EPRS1: variants seen among roughly 807,000 people sequenced by gnomAD.
The protein encoded by EPRS1 is bifunctional glutamate/proline--tRNA ligase.
Under a neutral mutation model 188.3 loss-of-function variants are expected in EPRS1, and 107 were observed. That is an observed-to-expected ratio of 0.57 (90% CI 0.49 to 0.67). EPRS1 has a LOEUF of 0.67. EPRS1 is among the 30% of genes least tolerant of loss of function. EPRS1 has a pLI of 0.00. For synonymous variants in EPRS1, 596 were observed against 593.1 expected (o/e 1.00, Z -0.07); for missense variants, 1,577 against 1,802.2 (o/e 0.88, Z 2.26).
At chr1:220,020,836 A>T (rs1333494898) in intron 9 of EPRS1, among the ~76,000 whole-genome samples, 9 of 6,042 alleles carry the variant, frequency 1.5e-3, no homozygotes, top group Non-Finnish European at 3.6e-3. Context: ...ATATATATAT[A>T]TATATATATA....
In EPRS1 at chr1:220,015,110, G is replaced by A. The variant is rs189789657; in HGVS notation, c.1494+3339C>T. 4.3e-3 allele frequency among the ~76,000 whole-genome samples: 654 copies of A among 152,266 alleles called. 3 individuals are homozygous for A. The highest frequency in any genetic ancestry group is 0.014 in the Middle Eastern group (4 of 294). ...ACACGAAACAAGAGTACCAGTCCAA[G>A]AGGCCCAACATCTTCCCAAGAAGAG... On this transcript the variant is annotated intron_variant, in intron 12 of 31. Coordinates refer to ENST00000366923, the MANE Select transcript of EPRS1 (RefSeq NM_004446.3).
At chr1:219,981,495 C>A (rs753241098) in intron 23 of EPRS1, 38 bp from the exon 24 acceptor site, 1 of 1,350,554 alleles carries the variant, frequency 7.4e-7, no homozygotes, top group Non-Finnish European at 1.0e-6. Context: ...TCATTTAAGG[C>A]TTTATTTCTC....
rs1268887129 is a variant in EPRS1, at chr1:220,033,497, G to C, written c.388+5C>G. 6.3e-7 allele frequency: 1 copy of C among 1,578,436 alleles called. No homozygotes were observed. Among genetic ancestry groups the C allele is most frequent in the East Asian group, 2.2e-5 (1 of 44,664 alleles). On this transcript the variant is annotated splice_donor_5th_base_variant and intron_variant, in intron 4 of 31. Transcript: ENST00000366923. ...AAACAGAGGATTATTAAGAATTATT[G>C]ATACCTTTTAGGGTGGCCCAAACAC...
intron 29 of EPRS1, 147 bp from the exon 30 acceptor site, chr1:219,972,294 CA>C (rs1660683070): frequency 3.8e-6 from 2 of 523,246 alleles, no homozygotes; most frequent in Admixed American, 3.7e-5. Flanking sequence ...TCATAGTGAC[CA>C]TCAGTATATC....
intron 28 of EPRS1, among the ~76,000 whole-genome samples, chr1:219,978,336 C>T (rs1246874005): frequency 6.6e-6 from 1 of 152,092 alleles, no homozygotes. Context: ...TAAAAATAAG[C>T]TTCCACAAAA....
At chr1:220,046,259 A>C in intron 1 of EPRS1, 84 bp downstream of exon 1, 2 of 1,555,642 alleles carry the variant, frequency 1.3e-6, no homozygotes, top group South Asian at 1.1e-5. Context: ...ACCACTGCGC[A>C]AAGCCGGGGC....
chr1:220,027,821 A>G (rs1662011978), intron 6 of EPRS1, among the ~76,000 whole-genome samples: 1 of 151,820 alleles, frequency 6.6e-6, no homozygotes, highest in African/African-American at 2.4e-5. Context: ...TGTCTCTACT[A>G]AAAATACAAA....
intron 3 of EPRS1, among the ~76,000 whole-genome samples, chr1:220,034,309 A>G (rs2102597459): frequency 6.6e-6 from 1 of 152,296 alleles, no homozygotes; most frequent in Non-Finnish European, 1.5e-5. Context: ...TGTAGTCTAG[A>G]AGGAATAGGC....
rs5030754 is a variant in EPRS1 at position 219,983,387 on chromosome 1, C to T, written c.3102G>A (p.Lys1034=). Residue 1034 remains lysine, a synonymous_variant, in exon 22 of 32, where the codon AAG becomes AAA. Coordinates refer to ENST00000366923, the MANE Select transcript of EPRS1 (RefSeq NM_004446.3). The part of the protein sequence containing the change: ...LADWYSQVIT[K]SEMIEYHDIS... ...TGTCATGGTATTCAATCATTTCTGA[C>T]TTTGTGATGACCTTTTTAAAAGAAA... is the stretch of plus-strand genomic sequence containing the variant. 144,522 of 1,605,802 alleles carry T rather than the reference C, an allele frequency of 0.09. 7,694 individuals are homozygous for T. Among genetic ancestry groups the T allele is most frequent in the African/African-American group, 0.22 (16,595 of 74,672 alleles).
chr1:220,039,825 A>G (rs975498108), intron 2 of EPRS1, among the ~76,000 whole-genome samples: 2 of 152,164 alleles, frequency 1.3e-5, no homozygotes, highest in African/African-American at 4.8e-5. Flanking sequence ...GCGATGCCGA[A>G]TATTTCTTTA....
chr1:219,983,296 C>T lies in EPRS1; in HGVS notation c.3193G>A (p.Asp1065Asn), dbSNP rs1486939607. Residue 1065 changes from aspartate to asparagine, a missense_variant, in exon 22 of 32, where the codon GAT (aspartate) becomes AAT (asparagine). By Grantham distance (23) the Asp-to-Asn change is conservative. Transcript: ENST00000366923. ...AIWEAIKDFF[D>N]AEIKKLGVEN... Reference sequence around the variant, plus strand: ...ACACCAAGTTTCTTGATCTCAGCATCAAAAAAGTCCTTGATGGCTTCCCAA... The same window carrying T: ...ACACCAAGTTTCTTGATCTCAGCATTAAAAAAGTCCTTGATGGCTTCCCAA... The T allele has an allele frequency of 6.2e-7, 1 of 1,614,026 alleles. No individual in the cohort carries two copies. Among genetic ancestry groups the T allele is most frequent in the African/African-American group, 1.3e-5 (1 of 75,044 alleles).
At chr1:220,046,318 C>A (rs748808209) in intron 1 of EPRS1, 25 bp downstream of exon 1, 2 of 1,613,884 alleles carry the variant, frequency 1.2e-6, no homozygotes, top group Admixed American at 3.3e-5. Flanking sequence ...GCAACCCACA[C>A]AGGTCATTGG....
chr1:220,023,609 T>A (rs1291710949), intron 8 of EPRS1, among the ~76,000 whole-genome samples: 4 of 152,218 alleles, frequency 2.6e-5, no homozygotes, highest in African/African-American at 9.6e-5. Context: ...AAAGGAAGAC[T>A]TGGGTGACAA....
At chr1:219,989,728 G>C (rs926509906) in intron 18 of EPRS1, among the ~76,000 whole-genome samples, 11 of 152,136 alleles carry the variant, frequency 7.2e-5, no homozygotes, top group African/African-American at 2.7e-4. Flanking sequence ...TCCTTGTCCA[G>C]CTACTTTATA....
At chr1:219,987,508 C>G (rs898910962) in intron 19 of EPRS1, 104 bp from the exon 20 acceptor site, 20 of 946,762 alleles carry the variant, frequency 2.1e-5, no homozygotes, top group Non-Finnish European at 2.9e-5. Flanking sequence ...TTTTTTCCGC[C>G]AATATCACAC....
At chr1:220,001,389 A>G in intron 16 of EPRS1, 134 bp from the exon 17 acceptor site, 1 of 643,230 alleles carries the variant, frequency 1.6e-6, no homozygotes, top group East Asian at 2.7e-5. Context: ...CCTTTTTGAG[A>G]CAGTCTCACT....
At chr1:220,033,415 A>G in intron 4 of EPRS1, 87 bp downstream of exon 4, 1 of 907,994 alleles carries the variant, frequency 1.1e-6, no homozygotes. Flanking sequence ...ACATATACAT[A>G]CATGCATACA....
At chr1:220,004,370 TA>T (rs1357578941) in intron 16 of EPRS1, among the ~76,000 whole-genome samples, 5 of 152,066 alleles carry the variant, frequency 3.3e-5, no homozygotes, top group African/African-American at 1.2e-4. Context: ...AGAAATGTGA[TA>T]AAACTGTTAC....
intron 2 of EPRS1, among the ~76,000 whole-genome samples, chr1:220,038,390 CTT>C (rs71169431): frequency 2.9e-4 from 29 of 101,562 alleles, no homozygotes; most frequent in Admixed American, 2.5e-4. Context: ...CTCAGTTTAT[CTT>C]TTTTTTTTTT....
Sources: gnomAD v4.1 joint callset for allele counts (sites outside exome capture counted in the v4.1 genomes callset) on GRCh38, gnomAD v4.1.1 for gene constraint, MANE v1.5 for transcripts, NCBI Gene and HGNC (gene_info 2026-07-23, HGNC 2026-07-21) for gene names.